Variants in CAMK1D observed in about 807,000 individuals in gnomAD.
The protein encoded by CAMK1D is calcium/calmodulin dependent protein kinase ID.
CAMK1D carries 9 observed loss-of-function variants against 47.7 expected under a neutral mutation model. The ratio of observed to expected loss-of-function variants is 0.19; its 90% CI spans 0.11 to 0.33. The LOEUF is 0.33. CAMK1D is among the 10% of genes least tolerant of loss of function. The pLI is 1.00. For synonymous variants in CAMK1D, 184 were observed against 184.9 expected, an observed-to-expected ratio of 0.99 and a Z score of 0.04; for missense variants, 291 against 488.7, an observed-to-expected ratio of 0.60 and a Z score of 3.81.
chr10:12,714,805 C>CACACACAA (rs1169447579), intron 3 of CAMK1D, among the ~76,000 whole-genome samples: 14 of 148,916 alleles, frequency 9.4e-5, no homozygotes, highest in African/African-American at 3.5e-4. Flanking sequence ...CACACACACA[C>CACACACAA]AATGTCTGAT....
intron 3 of CAMK1D, among the ~76,000 whole-genome samples, chr10:12,721,777 T>C (rs560123060): frequency 6.9e-4 from 105 of 151,964 alleles, no homozygotes; most frequent in Non-Finnish European, 2.6e-4. Context: ...GAGATTAGGG[T>C]TGTGTGGACC....
intron 1 of CAMK1D, among the ~76,000 whole-genome samples, chr10:12,461,124 G>A (rs931245667): frequency 6.6e-6 from 1 of 152,190 alleles, no homozygotes; most frequent in Non-Finnish European, 1.5e-5. Flanking sequence ...TGTGAGGACA[G>A]GATCGTCCTC....
At position 12,834,027 on chromosome 10, in the gene CAMK1D, G is replaced by T. The variant is rs1169080668; in HGVS notation, c.*5140G>T. 6.6e-6 allele frequency: 1 copy of T among 151,190 alleles called. No individual in the cohort carries two copies. The highest frequency in any genetic ancestry group is 1.5e-5 in the Non-Finnish European group (1 of 67,840). 9.4% of individuals were successfully genotyped at this position (151,190 alleles called of 1,614,324 possible). ...GCAGGTGTGCCTGACATTTGCAAAAGATATTCCAGTCTTTCGATGTTCAGA... is the reference window on the plus strand; with the variant it reads ...GCAGGTGTGCCTGACATTTGCAAAATATATTCCAGTCTTTCGATGTTCAGA... On this transcript the variant is annotated 3_prime_UTR_variant, in exon 11 of 11. Transcript: ENST00000619168.
intron 2 of CAMK1D, among the ~76,000 whole-genome samples, chr10:12,583,566 GT>G (rs1319293529): frequency 6.6e-6 from 1 of 150,852 alleles, no homozygotes; most frequent in African/African-American, 2.4e-5. Context: ...CCCCTTTGAC[GT>G]TTCTTTGGTT....
intron 3 of CAMK1D, among the ~76,000 whole-genome samples, chr10:12,739,535 C>T (rs138844112): frequency 0.022 from 3,381 of 151,344 alleles, 104 homozygotes; most frequent in African/African-American, 0.067. Context: ...GTGATCCACC[C>T]GCCTCGGCCT....
chr10:12,527,235 C>T (rs777914825), intron 1 of CAMK1D, among the ~76,000 whole-genome samples: 3 of 151,980 alleles, frequency 2.0e-5, no homozygotes, highest in African/African-American at 4.8e-5. Context: ...TGGGCCCTTC[C>T]ATCTGACTCT....
At chr10:12,734,346 AT>A (rs1268271709) in intron 3 of CAMK1D, among the ~76,000 whole-genome samples, 162 of 4,554 alleles carry the variant, frequency 0.036, 15 homozygotes, top group African/African-American at 0.052. Flanking sequence ...AAAAAAAAAA[AT>A]ATATATATAT....
At position 12,623,559 on chromosome 10, in the gene CAMK1D, C is replaced by T. The variant is rs558581379; in HGVS notation, c.225-43177C>T. Reference sequence around the variant, plus strand: ...CCCCCTCAACTTTTTCCACATTTATCGGACCACAAAAACTTTTGTCATGGA... The same window carrying T: ...CCCCCTCAACTTTTTCCACATTTATTGGACCACAAAAACTTTTGTCATGGA... On this transcript the variant is annotated intron_variant, in intron 2 of 10. Coordinates refer to ENST00000619168, the MANE Select transcript of CAMK1D (RefSeq NM_153498.4). 4.0e-5 allele frequency among the ~76,000 whole-genome samples: 6 copies of T among 148,986 alleles called. 1 individual carries two copies. Among genetic ancestry groups the T allele is most frequent in the African/African-American group, 1.2e-4 (5 of 40,160 alleles).
At chr10:12,378,257 A>G (rs766091081) in intron 1 of CAMK1D, among the ~76,000 whole-genome samples, 3 of 152,000 alleles carry the variant, frequency 2.0e-5, no homozygotes, top group Non-Finnish European at 4.4e-5. Context: ...TAATAGATAT[A>G]TTTTTTAGAT....
rs1310849925 is a variant in CAMK1D, at chr10:12,531,136, G to A, written c.93-22089G>A. ...AGGCTTCAAGGACCCTACATGTGAGGCTTCTCCTGTGGAAAATAAACCAGG... is the reference window on the plus strand; with the variant it reads ...AGGCTTCAAGGACCCTACATGTGAGACTTCTCCTGTGGAAAATAAACCAGG... On this transcript the variant is annotated intron_variant, in intron 1 of 10. Coordinates refer to ENST00000619168, the MANE Select transcript of CAMK1D (RefSeq NM_153498.4). Among the ~76,000 whole-genome samples, 5 of 152,184 alleles carry A rather than the reference G, an allele frequency of 3.3e-5. No homozygotes were observed. In the East Asian group the frequency reaches 5.8e-4, roughly 18 times the overall value.
intron 1 of CAMK1D, among the ~76,000 whole-genome samples, chr10:12,451,960 A>T (rs529148627): frequency 6.6e-6 from 1 of 152,312 alleles, no homozygotes; most frequent in Admixed American, 6.5e-5. Flanking sequence ...GAAGCAGCAC[A>T]TGTGCTGGGG....
intron 3 of CAMK1D, among the ~76,000 whole-genome samples, chr10:12,690,909 T>C (rs1033945453): frequency 1.3e-5 from 2 of 152,180 alleles, no homozygotes; most frequent in African/African-American, 2.4e-5. Context: ...ACGGGATACG[T>C]GACCAACCCC....
chr10:12,804,937 C>CAAAAAAAAAAAAAAAAAAAAA (rs145584740), intron 6 of CAMK1D, among the ~76,000 whole-genome samples: 1 of 51,050 alleles, frequency 2.0e-5, no homozygotes, highest in Non-Finnish European at 3.2e-5. Context: ...GACCCTGTCT[C>CAAAAAAAAAAAAAAAAAAAAA]AAAAAAAAAA....
intron 6 of CAMK1D, among the ~76,000 whole-genome samples, chr10:12,812,807 G>A (rs1036172678): frequency 2.0e-5 from 3 of 152,122 alleles, no homozygotes; most frequent in Admixed American, 6.5e-5. Flanking sequence ...GCCTCCACAC[G>A]GGCCCCAAGC....
chr10:12,380,108 G>A (rs1043323715), intron 1 of CAMK1D, among the ~76,000 whole-genome samples: 3 of 151,974 alleles, frequency 2.0e-5, no homozygotes, highest in Non-Finnish European at 4.4e-5. Flanking sequence ...CCTGCTACTC[G>A]GGAGGCTGAG....
At chr10:12,808,338 G>A (rs1832452041) in intron 6 of CAMK1D, among the ~76,000 whole-genome samples, 1 of 152,194 alleles carries the variant, frequency 6.6e-6, no homozygotes, top group African/African-American at 2.4e-5. Context: ...TCTTAACTTA[G>A]CATTGTATTT....
intron 1 of CAMK1D, among the ~76,000 whole-genome samples, chr10:12,522,857 TGGCCGGGCGGG>T (rs1445171932): frequency 0.033 from 2,266 of 68,062 alleles, 166 homozygotes; most frequent in South Asian, 0.18. Context: ...ACAGGGCGGC[TGGCCGGGCGGG>T]GGCTGACCCC....
At chr10:12,585,806 C>T (rs570332735) in intron 2 of CAMK1D, among the ~76,000 whole-genome samples, 2 of 152,292 alleles carry the variant, frequency 1.3e-5, no homozygotes, top group South Asian at 2.1e-4. Context: ...AGCCAAACCA[C>T]GTCAATCACT....
chr10:12,701,189 T>G (rs764057707), intron 3 of CAMK1D, among the ~76,000 whole-genome samples: 6 of 151,958 alleles, frequency 3.9e-5, no homozygotes, highest in Non-Finnish European at 8.8e-5. Flanking sequence ...CTCAGCTCAC[T>G]GCAACCTCCG....
Sources: allele counts gnomAD v4.1 joint callset (sites outside exome capture counted in the v4.1 genomes callset), GRCh38; gene constraint gnomAD v4.1.1; transcripts MANE v1.5; gene names NCBI Gene and HGNC (gene_info 2026-07-23, HGNC 2026-07-21).